SMNDC1: variants seen among roughly 807,000 people sequenced by gnomAD.
SMNDC1 encodes the protein survival of motor neuron-related-splicing factor 30.
SMNDC1 carries 5 observed loss-of-function variants against 29.2 expected under a neutral mutation model. The observed-to-expected ratio is 0.17, with a 90% CI of 0.09 to 0.36. The LOEUF is 0.36. Ranked by LOEUF, SMNDC1 falls within the 10% of genes least tolerant of loss-of-function variation. The pLI, the probability that SMNDC1 is intolerant of heterozygous loss-of-function variation, is 1.00. For synonymous variants in SMNDC1, 80 were observed against 89.9 expected (o/e 0.89, Z 0.62); for missense variants, 142 against 268.5 (o/e 0.53, Z 3.29).
At chr10:110,295,976 T>A (rs566363084) in intron 4 of SMNDC1, among the ~76,000 whole-genome samples, 1 of 152,318 alleles carries the variant, frequency 6.6e-6, no homozygotes, top group East Asian at 1.9e-4. Flanking sequence ...TTTGTATAGC[T>A]GTTACCAGTT....
At chr10:110,298,507 C>A (rs1857599724) in intron 3 of SMNDC1, 141 bp downstream of exon 3, 1 of 621,008 alleles carries the variant, frequency 1.6e-6, no homozygotes, top group Non-Finnish European at 2.6e-6. Flanking sequence ...GGCAACCACC[C>A]AAGAATCAAA....
chr10:110,295,488 G>C, intron 4 of SMNDC1, 107 bp from the exon 5 acceptor site: 1 of 701,046 alleles, frequency 1.4e-6, no homozygotes, highest in African/African-American at 1.9e-5. Context: ...CATATACAAT[G>C]GTCTATGAAT....
intron 2 of SMNDC1, among the ~76,000 whole-genome samples, chr10:110,303,168 T>C (rs1471221115): frequency 2.0e-5 from 3 of 152,272 alleles, no homozygotes; most frequent in Admixed American, 2.0e-4. Flanking sequence ...TTTTTCATTG[T>C]GAAGTTACAT....
At chr10:110,301,735 A>G (rs1857652637) in intron 2 of SMNDC1, among the ~76,000 whole-genome samples, 1 of 152,216 alleles carries the variant, frequency 6.6e-6, no homozygotes, top group South Asian at 2.1e-4. Flanking sequence ...ATGGTTATAG[A>G]AAAGAGGATA....
At chr10:110,296,176 A>G (rs907894288) in intron 4 of SMNDC1, among the ~76,000 whole-genome samples, 22 of 152,218 alleles carry the variant, frequency 1.4e-4, no homozygotes, top group Admixed American at 2.0e-4. Flanking sequence ...ATTCTCACCA[A>G]AACAAAACAC....
chr10:110,302,000 T>TC (rs1360389821), intron 2 of SMNDC1, among the ~76,000 whole-genome samples: 8 of 152,198 alleles, frequency 5.3e-5, no homozygotes, highest in East Asian at 1.9e-4. Flanking sequence ...CAAATACCCC[T>TC]CCTCCCACTG....
intron 4 of SMNDC1, among the ~76,000 whole-genome samples, chr10:110,297,058 T>C (rs532548707): frequency 6.6e-6 from 1 of 152,340 alleles, no homozygotes; most frequent in South Asian, 2.1e-4. Flanking sequence ...TACCGCCTTG[T>C]AGCTTTGTAC....
At chr10:110,295,471 T>A in intron 4 of SMNDC1, 90 bp from the exon 5 acceptor site, 1 of 901,898 alleles carries the variant, frequency 1.1e-6, no homozygotes, top group African/African-American at 1.7e-5. Context: ...AAAAAAAATC[T>A]AATAAACATA....
intron 2 of SMNDC1, among the ~76,000 whole-genome samples, chr10:110,300,368 C>T (rs1405059071): frequency 6.6e-6 from 1 of 152,118 alleles, no homozygotes; most frequent in Non-Finnish European, 1.5e-5. Flanking sequence ...TGAAATGACC[C>T]TTTTTTAGAA....
intron 5 of SMNDC1, among the ~76,000 whole-genome samples, chr10:110,294,607 T>C (rs1288023502): frequency 1.3e-5 from 2 of 152,258 alleles, no homozygotes; most frequent in African/African-American, 4.8e-5. Flanking sequence ...ATTAAAGCTC[T>C]GGCTGTATTG....
rs1857509829 is a variant in SMNDC1 at position 110,292,397 on chromosome 10, A to C, written c.*1753T>G. ...GACAAGACTGTTAACAGTCCTGCCT[A>C]CACAAACATCAAGTGAATTACTATT... On this transcript the variant is annotated 3_prime_UTR_variant, in exon 6 of 6. Transcript: ENST00000369603. 1 of 152,132 alleles carries C rather than the reference A, an allele frequency of 6.6e-6. No individual in the cohort carries two copies. The highest frequency in any genetic ancestry group is 1.9e-4 in the East Asian group (1 of 5,198). The allele number at this position is 152,132 out of a possible 1,614,324, so 9.4% of individuals were successfully genotyped here.
At chr10:110,302,134 T>G (rs960339476) in intron 2 of SMNDC1, among the ~76,000 whole-genome samples, 3 of 152,068 alleles carry the variant, frequency 2.0e-5, no homozygotes, top group Non-Finnish European at 2.9e-5. Context: ...CTTTACAGAG[T>G]GTAAGAAAAT....
intron 3 of SMNDC1, 89 bp downstream of exon 3, chr10:110,298,559 A>C: frequency 9.1e-7 from 1 of 1,095,358 alleles, no homozygotes; most frequent in Non-Finnish European, 1.3e-6. Flanking sequence ...GTCAAGATTA[A>C]AATAGGGTAG....
At chr10:110,294,643 T>C (rs982917702) in intron 5 of SMNDC1, among the ~76,000 whole-genome samples, 1 of 152,222 alleles carries the variant, frequency 6.6e-6, no homozygotes, top group Non-Finnish European at 1.5e-5. Flanking sequence ...CCTGTTATGA[T>C]AGCCAAATTG....
Position 110,297,701 on chromosome 10 carries a change from T to C in SMNDC1, c.291A>G (p.Ile97Met). ...GQCYEAEIEEIDEENGTAAIT... is the reference protein window; with the variant it reads ...GQCYEAEIEEMDEENGTAAIT... ...TTGCAGCGGTGCCATTTTCTTCATC[T>C]ATCTCCTCAATCTCCGCTTCATAAC... Residue 97 changes from isoleucine (I) to methionine (M), a missense_variant, in exon 4 of 6, where the codon ATA becomes ATG. Physicochemically the swap from Ile to Met is conservative, Grantham distance 10. Transcript: ENST00000369603. 6.2e-7 allele frequency: 1 copy of C among 1,613,998 alleles called. No individual in the cohort carries two copies. Among genetic ancestry groups the C allele is most frequent in the Non-Finnish European group, 8.5e-7 (1 of 1,179,926 alleles).
In SMNDC1 at chr10:110,303,298, A is replaced by C. The variant is rs544971734; in HGVS notation, c.120+170T>G. 2.0e-5 allele frequency among the ~76,000 whole-genome samples: 3 copies of C among 152,256 alleles called. No homozygotes were observed. The South Asian group carries it at 6.2e-4, about 31-fold the overall frequency. ...AACAATATTTCACTCTGATGTACAG[A>C]AACCTGAGAACTGGGGAAGCAACCC... On this transcript the variant is annotated intron_variant, in intron 2 of 5. Coordinates refer to ENST00000369603, the MANE Select transcript of SMNDC1 (RefSeq NM_005871.4).
intron 3 of SMNDC1, 107 bp downstream of exon 3, chr10:110,298,541 T>C: frequency 2.2e-6 from 2 of 899,354 alleles, no homozygotes; most frequent in Non-Finnish European, 3.3e-6. Context: ...TCATACTGCC[T>C]AATAGAAGTC....
Position 110,293,927 on chromosome 10 carries a change from T to C in SMNDC1, c.*223A>G. The stretch of plus-strand genomic sequence containing the variant: ...GAAACAGCATCTACAAAAGTTGCTT[T>C]ATTCAACAAACTTTGAGGGAACCGT... On this transcript the variant is annotated 3_prime_UTR_variant, in exon 6 of 6. Transcript: ENST00000369603. The C allele has an allele frequency of 2.8e-6, 1 of 356,372 alleles. No homozygotes were observed. The highest frequency in any genetic ancestry group is 5.0e-6 in the Non-Finnish European group (1 of 198,700). The allele number at this position is 356,372 out of a possible 1,614,324, so 22.1% of individuals were successfully genotyped here.
intron 2 of SMNDC1, among the ~76,000 whole-genome samples, chr10:110,302,825 G>A (rs554452344): frequency 6.6e-6 from 1 of 152,174 alleles, no homozygotes; most frequent in African/African-American, 2.4e-5. Flanking sequence ...TTCAAAAAAA[G>A]GTTTCATTAT....
Sources: gnomAD v4.1 joint callset for allele counts (sites outside exome capture counted in the v4.1 genomes callset) on GRCh38, gnomAD v4.1.1 for gene constraint, MANE v1.5 for transcripts, NCBI Gene and HGNC (gene_info 2026-07-23, HGNC 2026-07-21) for gene names.